The following ATRX variants were observed in gnomAD, a reference collection of about 807,000 sequenced individuals.
ATRX encodes ATRX chromatin remodeler, also known as chromatin remodeler ATRX.
A neutral mutation model predicts 172.6 loss-of-function variants in ATRX; 12 were observed. The observed-to-expected ratio is 0.07, with a 90% confidence interval of 0.04 to 0.11. ATRX has a LOEUF of 0.11. Among genes scored for constraint, ATRX ranks in the 10% least tolerant of loss-of-function variants. The pLI, the probability that ATRX is intolerant of heterozygous loss-of-function variation, is 1.00. For missense variants in ATRX, 1,368 were observed against 1,767.4 expected, an observed-to-expected ratio of 0.77 and a Z score of 4.05; for synonymous variants, 674 against 594.7, an observed-to-expected ratio of 1.13 and a Z score of -1.94.
At chrX:77,589,388 A>G (rs1229878961) in intron 27 of ATRX, among the ~76,000 whole-genome samples, 1 of 112,061 alleles carries the variant, frequency 8.9e-6, no homozygotes, top group Non-Finnish European at 1.9e-5. Context: ...TGAGTTCTAC[A>G]CTTTAAATGG....
intron 1 of ATRX, among the ~76,000 whole-genome samples, chrX:77,725,537 A>G (rs2073991180): frequency 8.9e-6 from 1 of 111,920 alleles, no homozygotes; most frequent in Non-Finnish European, 1.9e-5. Context: ...AAACCTAGGC[A>G]ATACCATTCA....
At chrX:77,684,688 C>A in intron 8 of ATRX, 95 bp from the exon 9 acceptor site, 1 of 1,006,040 alleles carries the variant, frequency 9.9e-7, no homozygotes, top group Non-Finnish European at 1.4e-6. Flanking sequence ...CCCAACAAAA[C>A]TCATTTTAAT....
intron 19 of ATRX, among the ~76,000 whole-genome samples, chrX:77,627,559 G>C (rs185825549): frequency 8.2e-5 from 9 of 110,247 alleles, no homozygotes; most frequent in African/African-American, 2.6e-4. Context: ...CGAGACCCTC[G>C]TCTCCAAAAA....
chrX:77,686,868 T>C (rs370773527), intron 7 of ATRX, among the ~76,000 whole-genome samples: 79 of 109,893 alleles, frequency 7.2e-4, no homozygotes, highest in African/African-American at 1.5e-3. Context: ...TAAAAGATTT[T>C]TGGCTGGGTG....
At chrX:77,757,250 C>T (rs1271334889) in intron 1 of ATRX, among the ~76,000 whole-genome samples, 2 of 111,738 alleles carry the variant, frequency 1.8e-5, no homozygotes, top group African/African-American at 6.5e-5. Context: ...CTCCACTGCA[C>T]ACATGAAGAA....
rs1345403491 is a variant in ATRX at position 77,655,522 on chromosome X, G to A, written c.4214+1038C>T. On this transcript the variant is annotated intron_variant, in intron 13 of 34. Coordinates refer to ENST00000373344, the MANE Select transcript of ATRX (RefSeq NM_000489.6). ...CCATAGAGACAGAAAGTAGATTTTA[G>A]TGTTTATTAGAGTACGAGGGCATGG... is the stretch of plus-strand genomic sequence containing the variant. Among the ~76,000 whole-genome samples the A allele has an allele frequency of 1.9e-4, 21 of 110,624 alleles. No individual in the cohort carries two copies. The Admixed American group carries it at 2.0e-3, about 11-fold the overall frequency.
At chrX:77,686,845 AT>A (rs1239468719) in intron 7 of ATRX, among the ~76,000 whole-genome samples, 1 of 110,865 alleles carries the variant, frequency 9.0e-6, no homozygotes, top group Non-Finnish European at 1.9e-5. Flanking sequence ...ACTATTCCTT[AT>A]TTAAAAGTGT....
intron 16 of ATRX, among the ~76,000 whole-genome samples, chrX:77,635,288 AAAT>A (rs1288856809): frequency 2.7e-5 from 3 of 111,390 alleles, no homozygotes; most frequent in African/African-American, 6.5e-5. Context: ...CCATCTCAAA[AAAT>A]AATAATAATA....
At chrX:77,695,003 C>T (rs1557149082) in intron 5 of ATRX, among the ~76,000 whole-genome samples, 1 of 104,926 alleles carries the variant, frequency 9.5e-6, no homozygotes, top group African/African-American at 3.5e-5. Flanking sequence ...TGCATGTAGA[C>T]ACTCAGAGAA....
At chrX:77,758,263 G>A (rs954324439) in intron 1 of ATRX, among the ~76,000 whole-genome samples, 14 of 105,875 alleles carry the variant, frequency 1.3e-4, no homozygotes, top group African/African-American at 2.1e-4. Context: ...GGTGGCGGGC[G>A]CCTGTAATCC....
At chrX:77,763,940 C>G (rs1482121949) in intron 1 of ATRX, among the ~76,000 whole-genome samples, 1 of 109,437 alleles carries the variant, frequency 9.1e-6, no homozygotes, top group Non-Finnish European at 1.9e-5. Context: ...AAGGTGAAAC[C>G]CCGTCTCAAC....
chrX:77,659,938 A>G (rs1330042750), intron 12 of ATRX, among the ~76,000 whole-genome samples: 3 of 111,699 alleles, frequency 2.7e-5, no homozygotes, highest in Non-Finnish European at 5.6e-5. Flanking sequence ...ATCACAATCC[A>G]TATTAGAAAC....
intron 1 of ATRX, among the ~76,000 whole-genome samples, chrX:77,766,091 T>C (rs2075907431): frequency 8.9e-6 from 1 of 112,428 alleles, no homozygotes; most frequent in Non-Finnish European, 1.9e-5. Flanking sequence ...GTCTACCTCT[T>C]TCTACACAGA....
intron 19 of ATRX, among the ~76,000 whole-genome samples, chrX:77,622,215 T>A (rs1363640608): frequency 3.6e-5 from 4 of 112,117 alleles, no homozygotes; most frequent in African/African-American, 6.5e-5. Context: ...AAAAGAATGT[T>A]CTCTGCAGCA....
chrX:77,770,489 T>A (rs189079837), intron 1 of ATRX, among the ~76,000 whole-genome samples: 137 of 111,682 alleles, frequency 1.2e-3, no homozygotes, highest in African/African-American at 4.4e-3. Flanking sequence ...CCAACCAATG[T>A]CATGCATCTC....
At chrX:77,701,389 GCA>G (rs1212472520) in intron 2 of ATRX, among the ~76,000 whole-genome samples, 1 of 109,848 alleles carries the variant, frequency 9.1e-6, no homozygotes, top group Non-Finnish European at 1.9e-5. Flanking sequence ...GCATGCACCT[GCA>G]ATCCTAGCTA....
chrX:77,605,939 T>A (rs2066889731), intron 22 of ATRX, among the ~76,000 whole-genome samples: 1 of 111,154 alleles, frequency 9.0e-6, no homozygotes, highest in Non-Finnish European at 1.9e-5. Flanking sequence ...CCACAGAAAT[T>A]TAAATGACCA....
chrX:77,543,812 G>A (rs1602462893), intron 30 of ATRX, among the ~76,000 whole-genome samples: 1 of 109,443 alleles, frequency 9.1e-6, no homozygotes, highest in East Asian at 2.9e-4. Flanking sequence ...CTGTTGAGGG[G>A]TGGGGATCTA....
rs373789026 is a variant in ATRX at position 77,633,404 on chromosome X, A to T, written c.4957-20T>A. 1 of 1,198,308 alleles carries T rather than the reference A, an allele frequency of 8.3e-7. No homozygotes were observed. Among genetic ancestry groups the T allele is most frequent in the African/African-American group, 1.8e-5 (1 of 56,801 alleles). ...AGAAACCTTTTGTGGGGAAATAAAGATTTTTTTAAGTAGCTACTAAAAACA... is the reference window on the plus strand; with the variant it reads ...AGAAACCTTTTGTGGGGAAATAAAGTTTTTTTTAAGTAGCTACTAAAAACA... On this transcript the variant is annotated intron_variant, in intron 18 of 34. Transcript: ENST00000373344.
Sources: allele counts gnomAD v4.1 joint callset (sites outside exome capture counted in the v4.1 genomes callset), GRCh38; gene constraint gnomAD v4.1.1; transcripts MANE v1.5; gene names NCBI Gene and HGNC (gene_info 2026-07-23, HGNC 2026-07-21).